Variants in NRG3 observed in about 807,000 individuals in gnomAD.
NRG3 encodes pro-neuregulin-3, membrane-bound isoform.
Under a neutral mutation model 66.9 loss-of-function variants are expected in NRG3, and 31 were observed. The ratio of observed to expected loss-of-function variants is 0.46; its 90% CI spans 0.35 to 0.63. NRG3 has a LOEUF of 0.63. Ranked by LOEUF, NRG3 falls within the 20% of genes least tolerant of loss-of-function variation. The pLI is 0.00. For missense variants in NRG3, 910 were observed against 878.9 expected (o/e 1.04, Z -0.45); for synonymous variants, 393 against 359.4 (o/e 1.09, Z -1.06).
chr10:82,955,936 C>T (rs991016236), intron 5 of NRG3, among the ~76,000 whole-genome samples: 3 of 151,778 alleles, frequency 2.0e-5, no homozygotes, highest in African/African-American at 7.3e-5. Context: ...GGTGCAAGAC[C>T]ATGCCAGCTT....
intron 1 of NRG3, among the ~76,000 whole-genome samples, chr10:82,092,106 G>C (rs1391379324): frequency 6.6e-6 from 1 of 152,128 alleles, no homozygotes; most frequent in East Asian, 1.9e-4. Context: ...ATAAGTGCAT[G>C]ATCTCAATCA....
At chr10:82,551,228 A>G (rs1338934468) in intron 2 of NRG3, among the ~76,000 whole-genome samples, 1 of 152,166 alleles carries the variant, frequency 6.6e-6, no homozygotes, top group Non-Finnish European at 1.5e-5. Flanking sequence ...GAGAGAGAGA[A>G]AGAGTTTACA....
chr10:82,126,178 A>G (rs2068438557), intron 1 of NRG3, among the ~76,000 whole-genome samples: 1 of 152,116 alleles, frequency 6.6e-6, no homozygotes, highest in Admixed American at 6.6e-5. Context: ...ATAGACTTGA[A>G]GAATTAATGT....
At chr10:82,859,780 C>T (rs1287992042) in intron 3 of NRG3, among the ~76,000 whole-genome samples, 1 of 152,076 alleles carries the variant, frequency 6.6e-6, no homozygotes, top group Non-Finnish European at 1.5e-5. Context: ...TATGTGAATG[C>T]GTATGTTAAT....
At chr10:82,907,165 GCCTCTAGAGATTC>G (rs1362855762) in intron 4 of NRG3, among the ~76,000 whole-genome samples, 4 of 152,164 alleles carry the variant, frequency 2.6e-5, no homozygotes, top group Non-Finnish European at 5.9e-5. Flanking sequence ...TACCCTTCAT[GCCTCTAGAGATTC>G]TTGGACTCTT....
chr10:82,957,690 C>A (rs75232285), intron 5 of NRG3, among the ~76,000 whole-genome samples: 2,095 of 151,606 alleles, frequency 0.014, 77 homozygotes, highest in East Asian at 0.077. Flanking sequence ...CACCCTTGGA[C>A]TGGCACCATC....
intron 3 of NRG3, among the ~76,000 whole-genome samples, chr10:82,825,866 A>G (rs577127123): frequency 1.3e-5 from 2 of 152,114 alleles, no homozygotes; most frequent in African/African-American, 4.8e-5. Flanking sequence ...AAAAATGCAT[A>G]CTTTCTATAT....
intron 3 of NRG3, among the ~76,000 whole-genome samples, chr10:82,853,866 G>A (rs780370999): frequency 7.8e-4 from 119 of 152,154 alleles, no homozygotes; most frequent in Non-Finnish European, 1.4e-3. Flanking sequence ...GGGCATCCTT[G>A]TCTTGTTCCA....
intron 6 of NRG3, among the ~76,000 whole-genome samples, chr10:82,972,359 C>A (rs1851848273): frequency 6.6e-6 from 1 of 151,922 alleles, no homozygotes; most frequent in South Asian, 2.1e-4. Flanking sequence ...TTTTTATGTT[C>A]TTTTTCTTAT....
chr10:82,385,996 G>T (rs569742494), intron 2 of NRG3, among the ~76,000 whole-genome samples: 1 of 152,150 alleles, frequency 6.6e-6, no homozygotes, highest in Non-Finnish European at 1.5e-5. Flanking sequence ...AGTAATGCTA[G>T]CAAGTAGTAA....
chr10:82,244,566 A>C (rs2134026713), intron 1 of NRG3, among the ~76,000 whole-genome samples: 1 of 152,280 alleles, frequency 6.6e-6, no homozygotes, highest in East Asian at 1.9e-4. Flanking sequence ...AATTCTCAAA[A>C]ATATTTTGCT....
intron 3 of NRG3, among the ~76,000 whole-genome samples, chr10:82,815,085 T>C (rs1402614351): frequency 6.6e-6 from 1 of 152,214 alleles, no homozygotes; most frequent in East Asian, 1.9e-4. Context: ...TCCTCCTGGT[T>C]TAAAGAAGTA....
chr10:82,927,881 A>G lies in NRG3; in HGVS notation c.1055-23588A>G, dbSNP rs548394922. Among the ~76,000 whole-genome samples, 12 of 152,262 alleles carry G rather than the reference A, an allele frequency of 7.9e-5. No homozygotes were observed. The South Asian group carries it at 2.1e-3, about 26-fold the overall frequency. On this transcript the variant is annotated intron_variant, in intron 4 of 8. Transcript: ENST00000372141. The stretch of plus-strand genomic sequence containing the variant: ...CCCAGTACTGGGATGGTTGGGTCAA[A>G]TGGTATTTCTGTTTCTAGATCCTTG...
chr10:82,916,320 C>G (rs948683428), intron 4 of NRG3, among the ~76,000 whole-genome samples: 3 of 152,134 alleles, frequency 2.0e-5, no homozygotes, highest in African/African-American at 7.2e-5. Flanking sequence ...GGCATGATGT[C>G]ACATGCCTAT....
In NRG3 at chr10:82,211,513, C is replaced by T. The variant is rs370452927; in HGVS notation, c.824-147226C>T. On this transcript the variant is annotated intron_variant, in intron 1 of 8. Coordinates refer to ENST00000372141, the MANE Select transcript of NRG3 (RefSeq NM_001010848.4). Reference sequence around the variant, plus strand: ...CGAAAGGCATCCTTGGCAAAGAATGCAATCCCTCCAGAGGCTGAATAAGCG... The same window carrying T: ...CGAAAGGCATCCTTGGCAAAGAATGTAATCCCTCCAGAGGCTGAATAAGCG... Among the ~76,000 whole-genome samples the T allele has an allele frequency of 8.5e-5, 13 of 152,222 alleles. No homozygotes were observed. The East Asian group carries it at 2.1e-3, about 25-fold the overall frequency.
chr10:82,289,290 C>T (rs1589604672), intron 1 of NRG3, among the ~76,000 whole-genome samples: 1 of 150,430 alleles, frequency 6.6e-6, no homozygotes, highest in East Asian at 1.9e-4. Flanking sequence ...CTCTCTGTCC[C>T]CCTTTTCTCC....
chr10:82,435,762 T>A (rs1179504404), intron 2 of NRG3, among the ~76,000 whole-genome samples: 1 of 149,678 alleles, frequency 6.7e-6, no homozygotes, highest in African/African-American at 2.5e-5. Context: ...TGGTTTTGAG[T>A]GAGTTTCTTT....
intron 3 of NRG3, among the ~76,000 whole-genome samples, chr10:82,860,801 T>G (rs968111229): frequency 6.6e-6 from 1 of 152,234 alleles, no homozygotes; most frequent in Non-Finnish European, 1.5e-5. Context: ...GTGCCTCTTC[T>G]TCCACCCTAA....
At chr10:82,074,461 TG>T (rs2064982167) in intron 1 of NRG3, among the ~76,000 whole-genome samples, 1 of 152,232 alleles carries the variant, frequency 6.6e-6, no homozygotes, top group South Asian at 2.1e-4. Context: ...AATATAATTT[TG>T]GTTGCTTTTT....
Sources: gnomAD v4.1 joint callset for allele counts (sites outside exome capture counted in the v4.1 genomes callset) on GRCh38, gnomAD v4.1.1 for gene constraint, MANE v1.5 for transcripts, NCBI Gene and HGNC (gene_info 2026-07-23, HGNC 2026-07-21) for gene names.